The following MEGF10 variants were observed in gnomAD, a reference collection of about 807,000 sequenced individuals.
MEGF10 encodes the protein multiple EGF like domains 10, also known as multiple epidermal growth factor-like domains protein 10.
A neutral mutation model predicts 147.5 loss-of-function variants in MEGF10; 86 were observed. That is an observed-to-expected ratio of 0.58 (90% CI 0.49 to 0.70). The LOEUF (loss-of-function observed/expected upper bound fraction) is 0.70. Ranked by LOEUF, MEGF10 falls within the 30% of genes least tolerant of loss-of-function variation. The probability of loss-of-function intolerance (pLI) is 0.00; values close to 1 mark genes in which losing one functional copy is unlikely to be tolerated. For synonymous variants in MEGF10, 478 were observed against 525.5 expected (o/e 0.91, Z 1.24); for missense variants, 1,329 against 1,487.3 (o/e 0.89, Z 1.75).
the MEGF10 span, among the ~76,000 whole-genome samples, chr5:127,252,489 A>G: frequency 1.3e-5 from 2 of 152,022 alleles, no homozygotes; most frequent in Admixed American, 6.6e-5. Flanking sequence ...ATATATGTGA[A>G]AAGCTTTTCA....
chr5:127,370,589 T>C (rs964906246), intron 5 of MEGF10, among the ~76,000 whole-genome samples: 24 of 152,186 alleles, frequency 1.6e-4, no homozygotes, highest in African/African-American at 5.3e-4. Flanking sequence ...TAGTATATAA[T>C]TTGTCTCCAT....
Position 127,433,437 on chromosome 5 carries a change from G to T in MEGF10, c.1768G>T (p.Gly590Trp), listed in dbSNP as rs141190921. 6.2e-7 allele frequency: 1 copy of T among 1,614,054 alleles called. No individual in the cohort carries two copies. Among genetic ancestry groups the T allele is most frequent in the South Asian group, 1.1e-5 (1 of 91,064 alleles). The stretch of plus-strand genomic sequence containing the variant: ...CTCCCTGCCCTGCTACTGTAAAAAT[G>T]GGGCTTCATGCTCCCCTGATGATGG... Reference protein sequence around the residue: ...NCSLPCYCKNGASCSPDDGIC... With the variant: ...NCSLPCYCKNWASCSPDDGIC... The change falls in exon 14 of 25, where the codon GGG becomes TGG. Residue 590 changes from glycine (G) to tryptophan (W), a missense_variant. Gly to Trp is a radical substitution (Grantham distance 184). Transcript: ENST00000503335.
the MEGF10 span, among the ~76,000 whole-genome samples, chr5:127,246,708 G>A: frequency 6.9e-6 from 1 of 145,942 alleles, no homozygotes; most frequent in African/African-American, 2.5e-5. Flanking sequence ...ATTTTGAAAA[G>A]ATATACATAT....
chr5:127,238,253 G>T, the MEGF10 span, among the ~76,000 whole-genome samples: 1 of 151,930 alleles, frequency 6.6e-6, no homozygotes, highest in East Asian at 1.9e-4. Flanking sequence ...ACGGGGCTTT[G>T]CCATGTTGTC....
intron 2 of MEGF10, among the ~76,000 whole-genome samples, chr5:127,336,184 A>C (rs909211140): frequency 2.0e-5 from 3 of 151,732 alleles, no homozygotes; most frequent in African/African-American, 7.3e-5. Context: ...ATTTATATGC[A>C]GTCAGTTCTG....
In MEGF10 at chr5:127,457,395, C is replaced by T. The variant is rs1237291224; in HGVS notation, c.*77C>T. The T allele has an allele frequency of 3.7e-5, 54 of 1,465,176 alleles. No individual in the cohort carries two copies. The highest frequency in any genetic ancestry group is 4.8e-5 in the Non-Finnish European group (53 of 1,101,210). The allele number at this position is 1,465,176 out of a possible 1,614,324, so 90.8% of individuals were successfully genotyped here. On this transcript the variant is annotated 3_prime_UTR_variant, in exon 25 of 25. Transcript: ENST00000503335. ...GGTTCTTCTCCATCCTCAATTTTGC[C>T]ACTTTCATGTGAATGTTAGTCAATT...
chr5:127,364,650 G>C (rs978993652), intron 4 of MEGF10, among the ~76,000 whole-genome samples: 1 of 152,214 alleles, frequency 6.6e-6, no homozygotes, highest in Non-Finnish European at 1.5e-5. Flanking sequence ...TGTGCACTTT[G>C]TAATTTTGTA....
chr5:127,385,869 C>A (rs1763407378), intron 5 of MEGF10, among the ~76,000 whole-genome samples: 1 of 152,180 alleles, frequency 6.6e-6, no homozygotes, highest in Admixed American at 6.5e-5. Context: ...CTTTGGGAGG[C>A]CCAGGCAGGA....
At chr5:127,404,555 ATCC>A (rs1764254880) in intron 8 of MEGF10, among the ~76,000 whole-genome samples, 1 of 152,088 alleles carries the variant, frequency 6.6e-6, no homozygotes, top group African/African-American at 2.4e-5. Flanking sequence ...TGATGTGTGC[ATCC>A]TTCTTTTAAT....
rs139211277 is a variant in MEGF10, at chr5:127,338,279, GGA to G, written c.117-838_117-837del. Reference sequence around the variant, plus strand: ...TTAAAGCAAATAGAATAAATTGTTTGGAGAAGATTATCCACGTTTTCTTATAG... The same window carrying G: ...TTAAAGCAAATAGAATAAATTGTTTGGAAGATTATCCACGTTTTCTTATAG... On this transcript the variant is annotated intron_variant, in intron 2 of 24. Transcript: ENST00000503335. Among the ~76,000 whole-genome samples the G allele has an allele frequency of 8.8e-3, 1,335 of 152,168 alleles. 23 individuals are homozygous for G. The highest frequency in any genetic ancestry group is 0.031 in the African/African-American group (1,275 of 41,534).
intron 13 of MEGF10, among the ~76,000 whole-genome samples, chr5:127,425,425 TA>T (rs1251403557): frequency 6.6e-6 from 1 of 152,204 alleles, no homozygotes; most frequent in Non-Finnish European, 1.5e-5. Flanking sequence ...CTAGACCAGC[TA>T]AGTTGCCCCA....
the MEGF10 span, among the ~76,000 whole-genome samples, chr5:127,274,801 C>A: frequency 6.6e-6 from 1 of 152,000 alleles, no homozygotes; most frequent in African/African-American, 2.4e-5. Flanking sequence ...ATAAAGATGA[C>A]TTTTATGTTC....
chr5:127,275,807 G>C, the MEGF10 span, among the ~76,000 whole-genome samples: 1 of 152,162 alleles, frequency 6.6e-6, no homozygotes, highest in Non-Finnish European at 1.5e-5. Context: ...TCAAGGGATT[G>C]TTGACACCGA....
At chr5:127,340,266 C>T (rs905626523) in intron 3 of MEGF10, among the ~76,000 whole-genome samples, 1 of 152,058 alleles carries the variant, frequency 6.6e-6, no homozygotes, top group Non-Finnish European at 1.5e-5. Flanking sequence ...GTGAATGATG[C>T]TTTGATGGGT....
intron 18 of MEGF10, among the ~76,000 whole-genome samples, chr5:127,442,619 T>A (rs1188328156): frequency 1.3e-5 from 2 of 152,240 alleles, no homozygotes; most frequent in African/African-American, 4.8e-5. Flanking sequence ...TTAGTGCTCT[T>A]CAGTCTAGGC....
upstream of MEGF10, among the ~76,000 whole-genome samples, chr5:127,288,686 A>G (rs1759108056): frequency 6.6e-6 from 1 of 152,236 alleles, no homozygotes; most frequent in Non-Finnish European, 1.5e-5. Flanking sequence ...CTTTCTATAT[A>G]GTTAAACACA....
rs1191025019 is a variant in MEGF10, at chr5:127,460,827, G to A, written c.*3509G>A. 5 of 96,166 alleles carry A rather than the reference G, an allele frequency of 5.2e-5. No individual in the cohort carries two copies. In the East Asian group the frequency reaches 1.1e-3, roughly 21 times the overall value. The allele number at this position is 96,166 out of a possible 1,614,324, so 6.0% of individuals were successfully genotyped here. ...AGCTGAATGTTTAAGAGAGATTTTG[G>A]TCTTAAAGGCTTCACATCATGAAAG... On this transcript the variant is annotated 3_prime_UTR_variant, in exon 25 of 25. Coordinates refer to ENST00000503335, the MANE Select transcript of MEGF10 (RefSeq NM_001256545.2).
the MEGF10 span, among the ~76,000 whole-genome samples, chr5:127,269,275 C>T: frequency 4.6e-5 from 7 of 152,136 alleles, no homozygotes; most frequent in Admixed American, 1.3e-4. Context: ...AGGCTTCAGA[C>T]GATCAAACTA....
intron 20 of MEGF10, 139 bp downstream of exon 20, chr5:127,445,832 A>G (rs1765925256): frequency 1.4e-6 from 1 of 693,970 alleles, no homozygotes; most frequent in African/African-American, 1.8e-5. Flanking sequence ...TGGAAAAGGT[A>G]TACATTGCTA....
Sources: gnomAD v4.1 joint callset for allele counts (sites outside exome capture counted in the v4.1 genomes callset) on GRCh38, gnomAD v4.1.1 for gene constraint, MANE v1.5 for transcripts, NCBI Gene and HGNC (gene_info 2026-07-23, HGNC 2026-07-21) for gene names.